RANBP2: variants seen among roughly 807,000 people sequenced by gnomAD.
The protein encoded by RANBP2 is E3 SUMO-protein ligase RanBP2.
A neutral mutation model predicts 303.6 loss-of-function variants in RANBP2; 57 were observed. The observed-to-expected ratio is 0.19, with a 90% CI of 0.15 to 0.23. RANBP2 has a LOEUF of 0.23. Among genes scored for constraint, RANBP2 ranks in the 10% least tolerant of loss-of-function variants. The probability of loss-of-function intolerance (pLI) is 1.00; values close to 1 mark genes in which losing one functional copy is unlikely to be tolerated. For synonymous variants in RANBP2, 1,167 were observed against 1,301.5 expected, an observed-to-expected ratio of 0.90 and a Z score of 2.23; for missense variants, 3,138 against 3,780.8, an observed-to-expected ratio of 0.83 and a Z score of 4.46.
the RANBP2 span, among the ~76,000 whole-genome samples, chr2:109,208,558 C>G: frequency 6.6e-6 from 1 of 152,212 alleles, no homozygotes; most frequent in African/African-American, 2.4e-5. Context: ...ACCAACCGAC[C>G]CACCTGCAGC....
chr2:109,586,079 T>G, the RANBP2 span, among the ~76,000 whole-genome samples: 1 of 152,202 alleles, frequency 6.6e-6, no homozygotes, highest in Admixed American at 6.5e-5. Context: ...TGTATAACAT[T>G]AAAACATTCG....
At chr2:108,954,061 C>T in the RANBP2 span, among the ~76,000 whole-genome samples, 1 of 152,194 alleles carries the variant, frequency 6.6e-6, no homozygotes, top group Non-Finnish European at 1.5e-5. Flanking sequence ...AGCCTATCCC[C>T]TCTATGATTT....
At chr2:109,709,634 C>T in the RANBP2 span, among the ~76,000 whole-genome samples, 11 of 152,226 alleles carry the variant, frequency 7.2e-5, no homozygotes, top group Non-Finnish European at 1.3e-4. Context: ...GTAATGCATG[C>T]GATGCCCTTG....
At chr2:109,498,195 C>T in the RANBP2 span, among the ~76,000 whole-genome samples, 1 of 152,262 alleles carries the variant, frequency 6.6e-6, no homozygotes, top group Middle Eastern at 3.4e-3. Context: ...TCTGGTTCGC[C>T]GGCAGATAGC....
the RANBP2 span, among the ~76,000 whole-genome samples, chr2:108,908,393 C>A: frequency 6.6e-6 from 1 of 152,202 alleles, no homozygotes; most frequent in Non-Finnish European, 1.5e-5. Flanking sequence ...TCCCAGTAAG[C>A]ACCAAGTTCA....
the RANBP2 span, among the ~76,000 whole-genome samples, chr2:109,093,406 T>TA: frequency 0.041 from 3,719 of 90,470 alleles, 136 homozygotes; most frequent in African/African-American, 0.13. Flanking sequence ...CGGAGATTTG[T>TA]AAAAAAAAAA....
At chr2:109,404,231 C>A in the RANBP2 span, among the ~76,000 whole-genome samples, 2 of 152,174 alleles carry the variant, frequency 1.3e-5, no homozygotes, top group Non-Finnish European at 2.9e-5. Context: ...CCTGAAATAT[C>A]CACTGTCAAG....
chr2:109,375,670 C>T, the RANBP2 span, among the ~76,000 whole-genome samples: 2 of 152,226 alleles, frequency 1.3e-5, no homozygotes, highest in East Asian at 1.9e-4. Context: ...GGATGGCAGG[C>T]GAGGGACTCC....
At chr2:109,420,563 A>C in the RANBP2 span, among the ~76,000 whole-genome samples, 1 of 152,076 alleles carries the variant, frequency 6.6e-6, no homozygotes, top group East Asian at 1.9e-4. Flanking sequence ...CTCCTGCCTC[A>C]GCCTCCCAAG....
chr2:109,016,028 G>A, the RANBP2 span, among the ~76,000 whole-genome samples: 11 of 152,142 alleles, frequency 7.2e-5, no homozygotes, highest in East Asian at 3.9e-4. Context: ...ATTAGCATTC[G>A]TATGCCTGTT....
chr2:109,341,842 C>T, the RANBP2 span, among the ~76,000 whole-genome samples: 1 of 152,204 alleles, frequency 6.6e-6, no homozygotes, highest in Non-Finnish European at 1.5e-5. Context: ...GACACCTACC[C>T]AGGGCTGCCT....
At chr2:109,676,404 C>T in the RANBP2 span, among the ~76,000 whole-genome samples, 8 of 152,324 alleles carry the variant, frequency 5.3e-5, no homozygotes, top group South Asian at 1.7e-3. Flanking sequence ...AATGCAGAAG[C>T]CAGATGTACC....
chr2:108,838,749 A>G, the RANBP2 span, among the ~76,000 whole-genome samples: 1 of 152,138 alleles, frequency 6.6e-6, no homozygotes, highest in Admixed American at 6.5e-5. Flanking sequence ...CCTTTCATAT[A>G]TCTTTTTCAG....
the RANBP2 span, among the ~76,000 whole-genome samples, chr2:109,474,436 G>A: frequency 3.3e-5 from 5 of 152,160 alleles, no homozygotes; most frequent in African/African-American, 1.2e-4. Context: ...CACTGTGGAT[G>A]CAGCTCGCTA....
chr2:109,734,620 T>TC, the RANBP2 span, among the ~76,000 whole-genome samples: 1 of 152,088 alleles, frequency 6.6e-6, no homozygotes, highest in African/African-American at 2.4e-5. Flanking sequence ...CTTTTTTTTT[T>TC]CCCACAAATG....
chr2:109,633,789 G>A, the RANBP2 span, among the ~76,000 whole-genome samples: 1 of 152,198 alleles, frequency 6.6e-6, no homozygotes, highest in Non-Finnish European at 1.5e-5. Flanking sequence ...GTCATTGTAA[G>A]AGACTGCTAG....
chr2:109,709,489 C>A, the RANBP2 span, among the ~76,000 whole-genome samples: 1 of 152,172 alleles, frequency 6.6e-6, no homozygotes, highest in African/African-American at 2.4e-5. Flanking sequence ...GAGCCAGTGC[C>A]AGGGCTTTGC....
chr2:109,180,944 T>C, the RANBP2 span, among the ~76,000 whole-genome samples: 1 of 152,214 alleles, frequency 6.6e-6, no homozygotes, highest in Non-Finnish European at 1.5e-5. Flanking sequence ...AGCAGATTTC[T>C]CCATGCAATA....
the RANBP2 span, chr2:109,613,705 C>T: frequency 9.1e-6 from 8 of 877,654 alleles, no homozygotes; most frequent in Non-Finnish European, 1.0e-5. Context: ...GTCACAATCC[C>T]GGGCCGGACC....
Sources: gnomAD v4.1 joint callset for allele counts (sites outside exome capture counted in the v4.1 genomes callset) on GRCh38, gnomAD v4.1.1 for gene constraint, MANE v1.5 for transcripts, NCBI Gene and HGNC (gene_info 2026-07-23, HGNC 2026-07-21) for gene names.